Variants in SHANK2 observed in about 807,000 individuals in gnomAD.
SHANK2 encodes the protein SH3 and multiple ankyrin repeat domains protein 2.
In SHANK2, 43 loss-of-function variants were observed where a neutral mutation model predicts 133.7. That is an observed-to-expected ratio of 0.32 (90% CI 0.25 to 0.41). SHANK2 has a LOEUF of 0.41. Ranked by LOEUF, SHANK2 falls within the 10% of genes least tolerant of loss-of-function variation. SHANK2 has a pLI of 1.00. For synonymous variants in SHANK2, 1,017 were observed against 952.8 expected (o/e 1.07, Z -1.24); for missense variants, 1,994 against 2,235.8 (o/e 0.89, Z 2.18).
intron 13 of SHANK2, among the ~76,000 whole-genome samples, chr11:70,801,402 C>T (rs534428521): frequency 5.3e-5 from 8 of 152,236 alleles, no homozygotes; most frequent in African/African-American, 1.7e-4. Context: ...GGAGGGGGCC[C>T]CTTCTGGGTT....
rs578101808 is a variant in SHANK2, at chr11:70,819,868, C to T, written c.1493+496G>A. Among the ~76,000 whole-genome samples, 348 of 152,294 alleles carry T rather than the reference C, an allele frequency of 2.3e-3. 2 individuals carry two copies. The highest frequency in any genetic ancestry group is 7.7e-3 in the African/African-American group (320 of 41,554). ...CGCCAGAGCCCTGAGCCGGCCTCTC[C>T]GGCCCCCAGCATTCTCCTCTGGGCT... On this transcript the variant is annotated intron_variant, in intron 12 of 25. Coordinates refer to ENST00000601538, the MANE Select transcript of SHANK2 (RefSeq NM_012309.5).
intron 11 of SHANK2, among the ~76,000 whole-genome samples, chr11:70,836,495 T>G (rs1590741867): frequency 6.6e-6 from 1 of 152,192 alleles, no homozygotes; most frequent in African/African-American, 2.4e-5. Flanking sequence ...TGGCCCCGGG[T>G]GCCACCCAAG....
chr11:70,818,096 C>G (rs1270914116), intron 12 of SHANK2, among the ~76,000 whole-genome samples: 1 of 152,144 alleles, frequency 6.6e-6, no homozygotes, highest in African/African-American at 2.4e-5. Flanking sequence ...GGTTATGCAG[C>G]TATACAATGG....
chr11:70,518,626 T>G (rs2059294352), intron 17 of SHANK2, among the ~76,000 whole-genome samples: 1 of 152,218 alleles, frequency 6.6e-6, no homozygotes, highest in South Asian at 2.1e-4. Flanking sequence ...CGGCATTGCT[T>G]CTATTAGTGG....
intron 11 of SHANK2, among the ~76,000 whole-genome samples, chr11:70,880,011 C>T (rs1414068710): frequency 2.0e-5 from 3 of 152,194 alleles, no homozygotes; most frequent in Non-Finnish European, 4.4e-5. Flanking sequence ...TGCTGTGGCC[C>T]ACTCAGTGGT....
intron 14 of SHANK2, among the ~76,000 whole-genome samples, chr11:70,755,028 G>A (rs558848387): frequency 2.0e-5 from 3 of 151,558 alleles, no homozygotes; most frequent in Admixed American, 1.3e-4. Flanking sequence ...GAAGTACTTC[G>A]AAATGTCCCG....
intron 2 of SHANK2, among the ~76,000 whole-genome samples, chr11:71,222,256 A>C (rs1355094740): frequency 6.6e-6 from 1 of 152,142 alleles, no homozygotes; most frequent in African/African-American, 2.4e-5. Flanking sequence ...CCAGAAAAAC[A>C]AAACTAAAAC....
intron 11 of SHANK2, among the ~76,000 whole-genome samples, chr11:70,834,017 C>T (rs1555059312): frequency 2.0e-5 from 3 of 152,254 alleles, no homozygotes; most frequent in Non-Finnish European, 4.4e-5. Flanking sequence ...TCAACTTAAA[C>T]CCTGGGCAAA....
At chr11:70,574,870 G>A (rs1023031926) in intron 17 of SHANK2, among the ~76,000 whole-genome samples, 59 of 152,230 alleles carry the variant, frequency 3.9e-4, no homozygotes, top group African/African-American at 1.3e-3. Flanking sequence ...CCCAAACCTC[G>A]CTGCCCGGCA....
At chr11:70,900,576 T>G (rs1010017108) in intron 10 of SHANK2, among the ~76,000 whole-genome samples, 5 of 152,058 alleles carry the variant, frequency 3.3e-5, no homozygotes, top group African/African-American at 1.2e-4. Context: ...ATTCCGGGAT[T>G]CTCCTTCCAA....
At chr11:70,670,454 G>A (rs181469125) in intron 15 of SHANK2, among the ~76,000 whole-genome samples, 45 of 152,334 alleles carry the variant, frequency 3.0e-4, no homozygotes, top group African/African-American at 1.0e-3. Flanking sequence ...CGCTTTGGCC[G>A]CCGGGTGCGG....
At chr11:70,696,305 C>A (rs531967657) in intron 15 of SHANK2, among the ~76,000 whole-genome samples, 2 of 152,350 alleles carry the variant, frequency 1.3e-5, no homozygotes, top group East Asian at 1.9e-4. Flanking sequence ...TACTACAACA[C>A]CCTAGCCAGC....
At chr11:70,842,669 G>C (rs1948925313) in intron 11 of SHANK2, among the ~76,000 whole-genome samples, 1 of 152,208 alleles carries the variant, frequency 6.6e-6, no homozygotes, top group African/African-American at 2.4e-5. Flanking sequence ...TCCCTGCTGT[G>C]CCACCTGGGA....
chr11:71,238,336 A>G (rs1276112658), intron 1 of SHANK2, among the ~76,000 whole-genome samples: 2 of 152,254 alleles, frequency 1.3e-5, no homozygotes, highest in East Asian at 3.8e-4. Flanking sequence ...AATGACAGTA[A>G]GAACAGTTGG....
chr11:70,708,639 C>T (rs1321670084), intron 14 of SHANK2, among the ~76,000 whole-genome samples: 1 of 152,188 alleles, frequency 6.6e-6, no homozygotes, highest in African/African-American at 2.4e-5. Flanking sequence ...AGGCTGACTT[C>T]AAATGACCAC....
At chr11:70,560,907 G>A (rs554879170) in intron 17 of SHANK2, among the ~76,000 whole-genome samples, 3 of 152,010 alleles carry the variant, frequency 2.0e-5, no homozygotes, top group South Asian at 2.1e-4. Context: ...GATTACAGGC[G>A]TGAGCCACGG....
chr11:71,067,282 C>T (rs1328739054), intron 9 of SHANK2, among the ~76,000 whole-genome samples: 3 of 152,338 alleles, frequency 2.0e-5, no homozygotes, highest in East Asian at 3.9e-4. Context: ...TACCCTGGCT[C>T]GTGCTGGTAT....
chr11:70,804,768 G>C lies in SHANK2; in HGVS notation c.1663+2234C>G, dbSNP rs1474487250. Among the ~76,000 whole-genome samples the C allele has an allele frequency of 2.6e-5, 4 of 152,190 alleles. No homozygotes were observed. The highest frequency in any genetic ancestry group is 5.9e-5 in the Non-Finnish European group (4 of 68,024). ...TAAGGTGTGAGATGTGGATTCGCCT[G>C]CCATGTCCCAGGACCCCTGCGAGTC... On this transcript the variant is annotated intron_variant, in intron 13 of 25. Transcript: ENST00000601538. This position sits in a 1 kb window ranked among gnomAD's most constrained non-coding sequence, Gnocchi z 4.1.
Position 70,834,035 on chromosome 11 carries a change from G to A in SHANK2, c.1175-13353C>T, listed in dbSNP as rs377453678. On this transcript the variant is annotated intron_variant, in intron 11 of 25. Transcript: ENST00000601538. The stretch of plus-strand genomic sequence containing the variant: ...ACTTAAACCCTGGGCAAAACCCTGA[G>A]TGTGATCACAACCAAACCAGAAGGG... 1.2e-3 allele frequency among the ~76,000 whole-genome samples: 189 copies of A among 152,374 alleles called. 1 individual carries two copies. The highest frequency in any genetic ancestry group is 4.0e-3 in the African/African-American group (168 of 41,592).
Sources: allele counts gnomAD v4.1 joint callset (sites outside exome capture counted in the v4.1 genomes callset), GRCh38; gene constraint gnomAD v4.1.1; non-coding constraint Gnocchi (gnomAD v3.1); transcripts MANE v1.5; gene names NCBI Gene and HGNC (gene_info 2026-07-23, HGNC 2026-07-21).